The following ALPK2 variants were observed in gnomAD, a reference collection of about 807,000 sequenced individuals.
The protein encoded by ALPK2 is alpha-protein kinase 2.
Under a neutral mutation model 163.1 loss-of-function variants are expected in ALPK2, and 127 were observed. The observed-to-expected ratio is 0.78, with a 90% CI of 0.67 to 0.90. The LOEUF is 0.90. Among genes scored for constraint, ALPK2 ranks in the 40% least tolerant of loss-of-function variants. The probability of loss-of-function intolerance (pLI) is 0.00; values close to 1 mark genes in which losing one functional copy is unlikely to be tolerated. For missense variants in ALPK2, 2,360 were observed against 2,589.6 expected, an observed-to-expected ratio of 0.91 and a Z score of 1.92; for synonymous variants, 953 against 959.1, an observed-to-expected ratio of 0.99 and a Z score of 0.12.
intron 4 of ALPK2, among the ~76,000 whole-genome samples, chr18:58,568,237 A>G (rs1288541085): frequency 6.6e-6 from 1 of 152,220 alleles, no homozygotes; most frequent in Non-Finnish European, 1.5e-5. Flanking sequence ...CTAGGACAGG[A>G]ACGCCTTATG....
chr18:58,516,784 AC>A, intron 9 of ALPK2, 123 bp downstream of exon 9: 1 of 1,190,400 alleles, frequency 8.4e-7, no homozygotes, highest in Admixed American at 2.2e-5. Context: ...TTGAATTGAA[AC>A]CCCAAAAGAG....
At chr18:58,566,394 A>C (rs1343462467) in intron 4 of ALPK2, 1 of 152,180 alleles carries the variant, frequency 6.6e-6, no homozygotes, top group Non-Finnish European at 1.5e-5. Flanking sequence ...CTATCTCATG[A>C]CCACAGCTTT....
intron 4 of ALPK2, among the ~76,000 whole-genome samples, chr18:58,570,684 C>T (rs1011617359): frequency 1.3e-5 from 2 of 152,224 alleles, no homozygotes; most frequent in African/African-American, 2.4e-5. Flanking sequence ...CTCTCACCCC[C>T]GGCTTTCTGT....
At chr18:58,525,095 A>C (rs2051577655) in intron 6 of ALPK2, among the ~76,000 whole-genome samples, 1 of 152,164 alleles carries the variant, frequency 6.6e-6, no homozygotes, top group African/African-American at 2.4e-5. Flanking sequence ...TTCGTTTCAT[A>C]GTTTAACAAC....
chr18:58,619,973 A>T (rs1278625157), intron 1 of ALPK2, among the ~76,000 whole-genome samples: 1 of 152,246 alleles, frequency 6.6e-6, no homozygotes, highest in Non-Finnish European at 1.5e-5. Context: ...ACAATTGAAT[A>T]CCACTGAGCA....
At chr18:58,557,276 T>C (rs990522961) in intron 4 of ALPK2, 2 of 152,106 alleles carry the variant, frequency 1.3e-5, no homozygotes, top group Non-Finnish European at 2.9e-5. Flanking sequence ...CAGCAGACCA[T>C]GGCTAAGAAC....
chr18:58,497,515 A>G (rs2144106454), intron 12 of ALPK2, among the ~76,000 whole-genome samples: 1 of 152,350 alleles, frequency 6.6e-6, no homozygotes, highest in Non-Finnish European at 1.5e-5. Context: ...TCTGTATTAG[A>G]AAAATAAAGC....
chr18:58,543,920 G>A (rs2051704279), intron 4 of ALPK2, among the ~76,000 whole-genome samples: 1 of 152,140 alleles, frequency 6.6e-6, no homozygotes. Flanking sequence ...ACCAAGGGCT[G>A]GGAACTTCCC....
At chr18:58,506,332 G>A (rs1206420494) in intron 10 of ALPK2, among the ~76,000 whole-genome samples, 1 of 150,598 alleles carries the variant, frequency 6.6e-6, no homozygotes, top group Non-Finnish European at 1.5e-5. Flanking sequence ...ATACAGCCAC[G>A]TAACACACCT....
chr18:58,541,577 G>A (rs1352800386), intron 4 of ALPK2, among the ~76,000 whole-genome samples: 4 of 152,218 alleles, frequency 2.6e-5, no homozygotes, highest in Admixed American at 6.5e-5. Flanking sequence ...ATCCTTGACC[G>A]TGTAAATTCA....
chr18:58,481,372 T>C lies in ALPK2; in HGVS notation c.*451A>G, dbSNP rs577931356. On this transcript the variant is annotated 3_prime_UTR_variant, in exon 13 of 13. Transcript: ENST00000361673. ...GCGTATTAGACACCAGTGGAACAAC[T>C]TGATCCAGTGAGCGAATTCGTGATT... 7.6e-5 allele frequency: 13 copies of C among 171,518 alleles called. No individual in the cohort carries two copies. In the South Asian group the frequency reaches 1.9e-3, roughly 25 times the overall value. The allele number at this position is 171,518 out of a possible 1,614,324, so 10.6% of individuals were successfully genotyped here.
chr18:58,506,421 A>G (rs2051462368), intron 10 of ALPK2, among the ~76,000 whole-genome samples: 1 of 151,934 alleles, frequency 6.6e-6, no homozygotes, highest in Non-Finnish European at 1.5e-5. Flanking sequence ...CATTTAAATG[A>G]TATTTAAAAT....
chr18:58,538,178 A>T lies in ALPK2; in HGVS notation c.2009T>A (p.Met670Lys). 2 of 1,613,256 alleles carry T rather than the reference A, an allele frequency of 1.2e-6. No individual in the cohort carries two copies. Among genetic ancestry groups the T allele is most frequent in the Non-Finnish European group, 8.5e-7 (1 of 1,180,022 alleles). ...CCCAGCAGGCTCTGAGAAAGCTGGC[A>T]TCTGGCTGCAAGAGATTGTCTCTCT... The part of the protein sequence containing the change: ...TVRETISCSQ[M>K]PAFSEPAGEE... Residue 670 changes from methionine (M) to lysine (K), a missense_variant, in exon 5 of 13, where the codon ATG (methionine) becomes AAG (lysine). Met to Lys is a moderately conservative substitution (Grantham distance 95). Coordinates refer to ENST00000361673, the MANE Select transcript of ALPK2 (RefSeq NM_052947.4).
At chr18:58,509,523 C>T (rs1463553997) in intron 10 of ALPK2, among the ~76,000 whole-genome samples, 1 of 152,148 alleles carries the variant, frequency 6.6e-6, no homozygotes, top group Admixed American at 6.5e-5. Flanking sequence ...GTTCCTGTTT[C>T]TCCACATCCT....
At chr18:58,602,575 G>A (rs1226718245) in intron 3 of ALPK2, among the ~76,000 whole-genome samples, 1 of 152,140 alleles carries the variant, frequency 6.6e-6, no homozygotes, top group Non-Finnish European at 1.5e-5. Flanking sequence ...TTCTCTGTGT[G>A]TGTCTCTGTG....
At chr18:58,500,633 T>C (rs985319652) in intron 11 of ALPK2, among the ~76,000 whole-genome samples, 3 of 152,160 alleles carry the variant, frequency 2.0e-5, no homozygotes, top group Non-Finnish European at 4.4e-5. Context: ...TAGAAGTTCA[T>C]TCTCCACTTG....
chr18:58,593,984 G>T (rs1375577554), intron 3 of ALPK2, among the ~76,000 whole-genome samples: 1 of 149,278 alleles, frequency 6.7e-6, no homozygotes. Flanking sequence ...GCAGCATAAT[G>T]GGGTGAAACC....
In ALPK2 at chr18:58,536,014, CTT is replaced by C. The variant is rs778098623; in HGVS notation, c.4171_4172del (p.Lys1391ValfsTer6). 6.2e-7 allele frequency: 1 copy of C among 1,611,960 alleles called. No homozygotes were observed. Among genetic ancestry groups the C allele is most frequent in the Admixed American group, 1.7e-5 (1 of 59,856 alleles). ...LKMDHTAFFK[K>X]FLTCPKILES... ...CTAGGATTTTAGGGCAGGTCAGAAA[CTT>C]TTTAAAGAAGGCAGTGTGATCCATC... On this transcript the variant is annotated frameshift_variant, in exon 5 of 13. Coordinates refer to ENST00000361673, the MANE Select transcript of ALPK2 (RefSeq NM_052947.4).
chr18:58,576,449 T>G (rs1408436960), intron 4 of ALPK2, among the ~76,000 whole-genome samples: 1 of 152,228 alleles, frequency 6.6e-6, no homozygotes, highest in African/African-American at 2.4e-5. Context: ...ATTTCAAATT[T>G]TTAGGTCCCC....
Sources: allele counts gnomAD v4.1 joint callset (sites outside exome capture counted in the v4.1 genomes callset), GRCh38; gene constraint gnomAD v4.1.1; transcripts MANE v1.5; gene names NCBI Gene and HGNC (gene_info 2026-07-23, HGNC 2026-07-21).